The following OPCML variants were observed in gnomAD, a reference collection of about 807,000 sequenced individuals.
The protein encoded by OPCML is opioid binding protein/cell adhesion molecule like.
Under a neutral mutation model 37.8 loss-of-function variants are expected in OPCML, and 13 were observed. That is an observed-to-expected ratio of 0.34 (90% CI 0.22 to 0.55). The LOEUF is 0.55. Among genes scored for constraint, OPCML ranks in the 20% least tolerant of loss-of-function variants. OPCML has a pLI of 0.91. For synonymous variants in OPCML, 176 were observed against 168.8 expected (o/e 1.04, Z -0.33); for missense variants, 341 against 435.6 (o/e 0.78, Z 1.93).
chr11:133,432,092 T>A (rs1010443766), intron 1 of OPCML, among the ~76,000 whole-genome samples: 1 of 152,054 alleles, frequency 6.6e-6, no homozygotes, highest in Non-Finnish European at 1.5e-5. Context: ...CAGGGCCTAC[T>A]TGAAGGTGCT....
intron 1 of OPCML, among the ~76,000 whole-genome samples, chr11:133,058,376 T>C (rs922686800): frequency 2.0e-5 from 3 of 152,006 alleles, no homozygotes; most frequent in African/African-American, 7.3e-5. Context: ...GAGAGCATGG[T>C]GTGTTTGCAT....
intron 4 of OPCML, among the ~76,000 whole-genome samples, chr11:132,469,547 G>T (rs2096129425): frequency 6.8e-6 from 1 of 147,794 alleles, no homozygotes; most frequent in Non-Finnish European, 1.5e-5. Flanking sequence ...TGTGTGTGGG[G>T]TGTGTGTGTG....
intron 1 of OPCML, among the ~76,000 whole-genome samples, chr11:133,168,104 C>T (rs1950238230): frequency 6.6e-6 from 1 of 152,102 alleles, no homozygotes; most frequent in African/African-American, 2.4e-5. Flanking sequence ...GTCCCATCTC[C>T]CAAGGAGAAG....
At chr11:133,429,976 A>T (rs1946084535) in intron 1 of OPCML, among the ~76,000 whole-genome samples, 1 of 152,204 alleles carries the variant, frequency 6.6e-6, no homozygotes, top group Admixed American at 6.5e-5. Flanking sequence ...GAAGCGGGGT[A>T]GAAGTGAGCA....
intron 1 of OPCML, among the ~76,000 whole-genome samples, chr11:133,330,922 A>G (rs767577814): frequency 1.3e-5 from 2 of 152,246 alleles, no homozygotes. Context: ...GTATGAGACA[A>G]CCGAAGTTCA....
chr11:133,043,858 G>A (rs560001907), intron 1 of OPCML, among the ~76,000 whole-genome samples: 2 of 152,300 alleles, frequency 1.3e-5, no homozygotes, highest in East Asian at 3.9e-4. Flanking sequence ...TATCCAAGAG[G>A]GAATTCATCT....
chr11:133,013,698 T>C (rs1947264220), intron 1 of OPCML, among the ~76,000 whole-genome samples: 1 of 152,208 alleles, frequency 6.6e-6, no homozygotes, highest in South Asian at 2.1e-4. Flanking sequence ...CTGTATTACG[T>C]AGGACAGTAA....
intron 1 of OPCML, among the ~76,000 whole-genome samples, chr11:133,279,364 G>A (rs188122914): frequency 6.8e-4 from 103 of 152,248 alleles, no homozygotes; most frequent in Non-Finnish European, 8.8e-5. Context: ...CAGAGGTATG[G>A]CCAGGGTTCA....
At chr11:133,207,655 A>G (rs922061785) in intron 1 of OPCML, among the ~76,000 whole-genome samples, 3 of 152,192 alleles carry the variant, frequency 2.0e-5, no homozygotes, top group Non-Finnish European at 4.4e-5. Flanking sequence ...GTATTCATTT[A>G]AAGAAATCGA....
chr11:132,627,477 A>G (rs771039517), intron 3 of OPCML, among the ~76,000 whole-genome samples: 15 of 152,252 alleles, frequency 9.9e-5, no homozygotes, highest in Non-Finnish European at 2.2e-4. Flanking sequence ...TGGCCTCTGC[A>G]CTTGCACAGT....
chr11:132,690,536 C>T (rs1362830952), intron 2 of OPCML, among the ~76,000 whole-genome samples: 3 of 152,154 alleles, frequency 2.0e-5, no homozygotes, highest in Non-Finnish European at 2.9e-5. Context: ...ATATTTCTTT[C>T]TCTCTGAGTA....
chr11:133,254,998 T>C (rs1941265382), intron 1 of OPCML, among the ~76,000 whole-genome samples: 1 of 152,200 alleles, frequency 6.6e-6, no homozygotes, highest in African/African-American at 2.4e-5. Context: ...AAAGACATGC[T>C]AGGTTTTTTA....
chr11:132,454,100 A>C (rs898036720), intron 4 of OPCML, among the ~76,000 whole-genome samples: 1 of 152,218 alleles, frequency 6.6e-6, no homozygotes, highest in Non-Finnish European at 1.5e-5. Flanking sequence ...TTGCGGGGGA[A>C]GGTTAAGAAA....
At chr11:132,996,636 A>G (rs1946893702) in intron 1 of OPCML, among the ~76,000 whole-genome samples, 1 of 142,532 alleles carries the variant, frequency 7.0e-6, no homozygotes, top group Non-Finnish European at 1.5e-5. Flanking sequence ...AAAAAAAAAA[A>G]TACTTGACTC....
At chr11:132,749,306 A>G (rs1308292177) in intron 2 of OPCML, among the ~76,000 whole-genome samples, 3 of 152,226 alleles carry the variant, frequency 2.0e-5, no homozygotes, top group Non-Finnish European at 2.9e-5. Flanking sequence ...GCAGGAACAA[A>G]CTATGACAGG....
intron 1 of OPCML, among the ~76,000 whole-genome samples, chr11:133,370,705 A>G (rs1222552321): frequency 6.6e-6 from 1 of 152,196 alleles, no homozygotes; most frequent in Admixed American, 6.5e-5. Context: ...TTAAGACCCC[A>G]AACTGTAAAA....
At chr11:132,666,206 T>C in intron 2 of OPCML, among the ~76,000 whole-genome samples, 1 of 152,170 alleles carries the variant, frequency 6.6e-6, no homozygotes, top group East Asian at 1.9e-4. Flanking sequence ...CTCTGCAGGC[T>C]GTAGAGGAGG....
At position 132,415,309 on chromosome 11, in the gene OPCML, C is replaced by T. The variant is rs547904994; in HGVS notation, c.*4884G>A. ...CACCCATTGTCTGACACAGCTATAA[C>T]GGCACCATTGATAAGTCATAATTTT... is the stretch of plus-strand genomic sequence containing the variant. On this transcript the variant is annotated 3_prime_UTR_variant, in exon 8 of 8. Transcript: ENST00000524381. 2.1e-4 allele frequency: 32 copies of T among 152,608 alleles called. No individual in the cohort carries two copies. The East Asian group carries it at 2.1e-3, about 10-fold the overall frequency. 9.5% of individuals were successfully genotyped at this position (152,608 alleles called of 1,614,324 possible).
chr11:132,694,236 A>G (rs983632801), intron 2 of OPCML, among the ~76,000 whole-genome samples: 45 of 108,760 alleles, frequency 4.1e-4, no homozygotes, highest in Non-Finnish European at 5.9e-4. Flanking sequence ...ATCTTCCTCT[A>G]TCATCAGGCT....
Sources: allele counts gnomAD v4.1 joint callset (sites outside exome capture counted in the v4.1 genomes callset), GRCh38; gene constraint gnomAD v4.1.1; transcripts MANE v1.5; gene names NCBI Gene and HGNC (gene_info 2026-07-23, HGNC 2026-07-21).